CSF3R: variants seen among roughly 807,000 people sequenced by gnomAD.
CSF3R encodes the protein granulocyte colony-stimulating factor receptor.
CSF3R carries 52 observed loss-of-function variants against 84.4 expected under a neutral mutation model. The observed-to-expected ratio is 0.62, with a 90% CI of 0.49 to 0.78. CSF3R has a LOEUF of 0.78. Ranked by LOEUF, CSF3R falls within the 30% of genes least tolerant of loss-of-function variation. The pLI is 0.00. For missense variants in CSF3R, 890 were observed against 1,055.7 expected (o/e 0.84, Z 2.17); for synonymous variants, 384 against 429.1 (o/e 0.89, Z 1.30).
intron 3 of CSF3R, chr1:36,479,145 C>T: frequency 2.0e-6 from 1 of 490,102 alleles, no homozygotes; most frequent in South Asian, 1.9e-5. Context: ...TGCATAGGAC[C>T]CATGGGTTGC....
rs113122356 is a variant in CSF3R at position 36,473,490 on chromosome 1, C to T, written c.618G>A (p.Glu206=). The part of the protein sequence containing the change: ...YQNMGIWVQA[E]NALGTSMSPQ... ...GGGACATGCTGGTCCCCAGCGCATTCTCTGCCTGCACCCAGATGCCCATAT... is the reference window on the plus strand; with the variant it reads ...GGGACATGCTGGTCCCCAGCGCATTTTCTGCCTGCACCCAGATGCCCATAT... Residue 206 remains glutamate, a synonymous_variant, in exon 6 of 17, where the codon GAG becomes GAA. Coordinates refer to ENST00000373106, the MANE Select transcript of CSF3R (RefSeq NM_000760.4). 7.4e-6 allele frequency: 12 copies of T among 1,614,136 alleles called. No individual in the cohort carries two copies. The highest frequency in any genetic ancestry group is 6.7e-5 in the African/African-American group (5 of 75,076).
In CSF3R at chr1:36,467,349, C is replaced by T; in HGVS notation, c.1959-38G>A. ...GCAGGTGGAGGCTGAGTCAGACACACCCTCCGATCTTTCCATTTTTTGTCC... is the reference window on the plus strand; with the variant it reads ...GCAGGTGGAGGCTGAGTCAGACACATCCTCCGATCTTTCCATTTTTTGTCC... On this transcript the variant is annotated intron_variant, in intron 15 of 16. Transcript: ENST00000373106. This position sits in a 1 kb window ranked among gnomAD's most constrained non-coding sequence, Gnocchi z 4.1. 1.3e-6 allele frequency: 2 copies of T among 1,597,826 alleles called. No homozygotes were observed. The highest frequency in any genetic ancestry group is 1.7e-6 in the Non-Finnish European group (2 of 1,165,274).
intron 3 of CSF3R, 59 bp downstream of exon 3, chr1:36,479,374 C>T: frequency 1.3e-6 from 2 of 1,524,060 alleles, no homozygotes; most frequent in Non-Finnish European, 1.8e-6. Context: ...AGGAAATTCC[C>T]AATATCTCTC....
In CSF3R at chr1:36,472,971, C is replaced by T; in HGVS notation, c.674-285G>A. ...CAAGGATCTGCTCAATTGTCACCCT[C>T]TTAGTGAGGCCTTTCTTGACCAGCA... On this transcript the variant is annotated intron_variant, in intron 6 of 16. Transcript: ENST00000373106. The surrounding 1 kb of genome is among the most constrained non-coding windows in gnomAD (Gnocchi z 5.0). 1 of 478,758 alleles carries T rather than the reference C, an allele frequency of 2.1e-6. No homozygotes were observed. The highest frequency in any genetic ancestry group is 3.7e-6 in the Non-Finnish European group (1 of 271,032). 29.7% of individuals were successfully genotyped at this position (478,758 alleles called of 1,614,324 possible). A position where few individuals can be genotyped will look rare whatever the true frequency, so the allele number is the denominator to read the frequency against.
rs777440791 is a variant in CSF3R at position 36,479,506 on chromosome 1, T to C, written c.-10A>G. The C allele has an allele frequency of 5.6e-6, 9 of 1,613,986 alleles. No homozygotes were observed. The Admixed American group carries it at 1.3e-4, about 24-fold the overall frequency. On this transcript the variant is annotated 5_prime_UTR_variant, in exon 3 of 17. Coordinates refer to ENST00000373106, the MANE Select transcript of CSF3R (RefSeq NM_000760.4). ...TTCCCAGCCTTGCCATAGCACCAACTTGATGTTCACCTGTAGGCAGAAGGG... is the reference window on the plus strand; with the variant it reads ...TTCCCAGCCTTGCCATAGCACCAACCTGATGTTCACCTGTAGGCAGAAGGG...
chr1:36,475,341 T>C, intron 4 of CSF3R, 36 bp downstream of exon 4: 1 of 1,611,696 alleles, frequency 6.2e-7, no homozygotes, highest in Non-Finnish European at 8.5e-7. Context: ...AGGAGGGTGT[T>C]GGAGGCAGAG....
At position 36,466,808 on chromosome 1, in the gene CSF3R, C is replaced by T. The variant is rs1252144543; in HGVS notation, c.2060G>A (p.Gly687Asp). Residue 687 changes from glycine to aspartate, a missense_variant, in exon 17 of 17, where the codon GGC becomes GAC. Gly to Asp is a moderately conservative substitution (Grantham distance 94). Transcript: ENST00000373106. This position sits in a 1 kb window ranked among gnomAD's most constrained non-coding sequence, Gnocchi z 4.6. ...CTTGGTGATGGGTGGCGTGCCAAGG[C>T]CGGGCAGCTGGAAGGCATCCTGCAC... ...IMEEDAFQLP[G>D]LGTPPITKLT... is the part of the protein sequence containing the mutation. 7 of 1,614,044 alleles carry T rather than the reference C, an allele frequency of 4.3e-6. No individual in the cohort carries two copies. The highest frequency in any genetic ancestry group is 5.9e-6 in the Non-Finnish European group (7 of 1,180,042).
Position 36,466,756 on chromosome 1 carries a change from C to A in CSF3R, c.2112G>T (p.Lys704Asn), listed in dbSNP as rs771254098. ...TKLTVLEEDE[K>N]KPVPWESHNS... ...TATGGGACTCCCAGGGCACCGGCTT[C>A]TTTTCATCCTCCTCCAGCACTGTGA... Residue 704 changes from lysine to asparagine, a missense_variant, in exon 17 of 17, where the codon AAG becomes AAT. Transcript: ENST00000373106. The surrounding 1 kb of genome is among the most constrained non-coding windows in gnomAD (Gnocchi z 4.6). 5 of 1,614,212 alleles carry A rather than the reference C, an allele frequency of 3.1e-6. No homozygotes were observed. Among genetic ancestry groups the A allele is most frequent in the Non-Finnish European group, 4.2e-6 (5 of 1,180,034 alleles).
chr1:36,471,234 CAG>C (rs1269397803), intron 10 of CSF3R, among the ~76,000 whole-genome samples, 197 bp downstream of exon 10: 7 of 152,018 alleles, frequency 4.6e-5, no homozygotes, highest in African/African-American at 1.2e-4. Context: ...TTAGTAGAGA[CAG>C]GGGTTTCACC....
At chr1:36,471,948 C>G in intron 9 of CSF3R, 118 bp downstream of exon 9, 1 of 1,014,972 alleles carries the variant, frequency 9.9e-7, no homozygotes, top group Non-Finnish European at 1.5e-6. Flanking sequence ...GCATGCAAAT[C>G]ACATATAAAT....
rs756481411 is a variant in CSF3R, at chr1:36,466,725, A to G, written c.2143T>C (p.Ser715Pro). 1 of 1,613,976 alleles carries G rather than the reference A, an allele frequency of 6.2e-7. No individual in the cohort carries two copies. The highest frequency in any genetic ancestry group is 1.3e-5 in the African/African-American group (1 of 74,890). The change falls in exon 17 of 17, where the codon TCA (serine) becomes CCA (proline). Residue 715 changes from serine (S) to proline (P), a missense_variant. Physicochemically the swap from Ser to Pro is moderately conservative, Grantham distance 74. Transcript: ENST00000373106. The surrounding 1 kb of genome is among the most constrained non-coding windows in gnomAD (Gnocchi z 4.6). Reference sequence around the variant, plus strand: ...AGAGTGGGGAGGCCACAGGTCTCTGAGCTGTTATGGGACTCCCAGGGCACC... The same window carrying G: ...AGAGTGGGGAGGCCACAGGTCTCTGGGCTGTTATGGGACTCCCAGGGCACC... Reference protein sequence around the residue: ...KPVPWESHNSSETCGLPTLVQ... With the variant: ...KPVPWESHNSPETCGLPTLVQ...
In CSF3R at chr1:36,467,334, G is replaced by A; in HGVS notation, c.1959-23C>T. The A allele has an allele frequency of 6.2e-7, 1 of 1,610,892 alleles. No homozygotes were observed. Among genetic ancestry groups the A allele is most frequent in the Non-Finnish European group, 8.5e-7 (1 of 1,177,074 alleles). On this transcript the variant is annotated intron_variant, in intron 15 of 16. Transcript: ENST00000373106. The surrounding 1 kb of genome is among the most constrained non-coding windows in gnomAD (Gnocchi z 4.1). ...CTGCTGGAGAAGGGGGCAGGTGGAG[G>A]CTGAGTCAGACACACCCTCCGATCT...
At position 36,472,974 on chromosome 1, in the gene CSF3R, A is replaced by G; in HGVS notation, c.674-288T>C. ...GGATCTGCTCAATTGTCACCCTCTT[A>G]GTGAGGCCTTTCTTGACCAGCATAT... On this transcript the variant is annotated intron_variant, in intron 6 of 16. Transcript: ENST00000373106. The surrounding 1 kb of genome is among the most constrained non-coding windows in gnomAD (Gnocchi z 5.0). The G allele has an allele frequency of 2.1e-6, 1 of 467,444 alleles. No homozygotes were observed. Among genetic ancestry groups the G allele is most frequent in the Non-Finnish European group, 3.8e-6 (1 of 264,086 alleles). 29.0% of individuals were successfully genotyped at this position (467,444 alleles called of 1,614,324 possible).
chr1:36,480,627 C>T (rs989385638), intron 2 of CSF3R, among the ~76,000 whole-genome samples: 2 of 152,222 alleles, frequency 1.3e-5, no homozygotes, highest in Admixed American at 6.5e-5. Flanking sequence ...TCAGCTTGCA[C>T]GTACATATCT....
In CSF3R at chr1:36,471,813, G is replaced by T. The variant is rs3917978; in HGVS notation, c.1072-167C>A. ...CTCTGTTCCCTTGTGCTAGGTTCTA[G>T]GAAGGAGGGCAGGAAGAAACAAGTT... On this transcript the variant is annotated intron_variant, in intron 9 of 16. Transcript: ENST00000373106. 0.027 allele frequency: 19,877 copies of T among 743,824 alleles called. 465 individuals are homozygous for T. The highest frequency in any genetic ancestry group is 0.083 in the African/African-American group (4,718 of 56,798). The allele number at this position is 743,824 out of a possible 1,614,324, so 46.1% of individuals were successfully genotyped here. A position where few individuals can be genotyped will look rare whatever the true frequency, so the allele number is the denominator to read the frequency against.
chr1:36,478,117 C>T (rs1222434335), intron 3 of CSF3R, among the ~76,000 whole-genome samples: 1 of 152,222 alleles, frequency 6.6e-6, no homozygotes, highest in African/African-American at 2.4e-5. Flanking sequence ...AAAACTCTAC[C>T]TGATGCTCTG....
In CSF3R at chr1:36,475,584, A is replaced by C; in HGVS notation, c.154T>G (p.Cys52Gly). The C allele has an allele frequency of 6.2e-7, 1 of 1,612,374 alleles. No homozygotes were observed. The highest frequency in any genetic ancestry group is 8.5e-7 in the Non-Finnish European group (1 of 1,178,564). ...TGTGGCTCCGGGTCCAGATGGCTGC[A>C]GTTCTGCTTGATGATGCAGGAGGCT... ...ITASCIIKQNCSHLDPEPQIL... is the reference protein window; with the variant it reads ...ITASCIIKQNGSHLDPEPQIL... Residue 52 changes from cysteine (C) to glycine (G), a missense_variant, in exon 4 of 17, where the codon TGC becomes GGC. Cys to Gly is a radical substitution (Grantham distance 159). Transcript: ENST00000373106.
chr1:36,479,033 T>G, intron 3 of CSF3R: 1 of 337,822 alleles, frequency 3.0e-6, no homozygotes, highest in African/African-American at 2.1e-5. Context: ...CAAGACAGAG[T>G]TTCCATGGTT....
intron 4 of CSF3R, among the ~76,000 whole-genome samples, chr1:36,474,114 G>A (rs1196757474): frequency 6.6e-6 from 1 of 152,208 alleles, no homozygotes; most frequent in Non-Finnish European, 1.5e-5. Flanking sequence ...CCCAGTGGTG[G>A]CCCACTTCCA....
Sources: allele counts gnomAD v4.1 joint callset (sites outside exome capture counted in the v4.1 genomes callset), GRCh38; gene constraint gnomAD v4.1.1; non-coding constraint Gnocchi (gnomAD v3.1); transcripts MANE v1.5; gene names NCBI Gene and HGNC (gene_info 2026-07-23, HGNC 2026-07-21).